The following SORL1 variants were observed in gnomAD, a reference collection of about 807,000 sequenced individuals.
SORL1 encodes sortilin related receptor 1, also known as sortilin-related receptor.
A neutral mutation model predicts 273.7 loss-of-function variants in SORL1; 127 were observed. The ratio of observed to expected loss-of-function variants is 0.46; its 90% CI spans 0.40 to 0.54. SORL1 has a LOEUF of 0.54. Among genes scored for constraint, SORL1 ranks in the 20% least tolerant of loss-of-function variants. The pLI, the probability that SORL1 is intolerant of heterozygous loss-of-function variation, is 0.00. For missense variants in SORL1, 2,494 were observed against 2,846.1 expected, an observed-to-expected ratio of 0.88 and a Z score of 2.81; for synonymous variants, 1,031 against 1,067.4, an observed-to-expected ratio of 0.97 and a Z score of 0.66.
rs1043796660 is a variant in SORL1 at position 121,542,308 on chromosome 11, G to A, written c.1686-1240G>A. ...TATGGCCACTTTTCCCCTTCAATCC[G>A]GGATTTAGCCAGTCCTGAACTAAAT... is the stretch of plus-strand genomic sequence containing the variant. On this transcript the variant is annotated intron_variant, in intron 12 of 47. Transcript: ENST00000260197. Among the ~76,000 whole-genome samples, 8 of 152,198 alleles carry A rather than the reference G, an allele frequency of 5.3e-5. No homozygotes were observed. In the South Asian group the frequency reaches 1.2e-3, roughly 24 times the overall value.
rs1555071970 is a variant in SORL1 at position 121,550,589 on chromosome 11, C to T, written c.2185C>T (p.Arg729Trp). The T allele has an allele frequency of 3.1e-6, 5 of 1,613,968 alleles. No individual in the cohort carries two copies. Among genetic ancestry groups the T allele is most frequent in the Non-Finnish European group, 4.2e-6 (5 of 1,179,898 alleles). Residue 729 changes from arginine (R) to tryptophan (W), a missense_variant, in exon 16 of 48, where the codon CGG becomes TGG. Arg to Trp is a moderately radical substitution (Grantham distance 101). This residue lies in a region of SORL1 where 710 missense variants were observed against 882.5 expected (regional missense o/e 0.80). Transcript: ENST00000260197. This position sits in a 1 kb window ranked among gnomAD's most constrained non-coding sequence, Gnocchi z 5.3. ...GSTYRRTRGY[R>W]KISGDTCSGG... The stretch of plus-strand genomic sequence containing the variant: ...GCTCTTGGGGTGGGGTGACAGCTAC[C>T]GGAAGATTTCTGGGGACACTTGTAG...
intron 21 of SORL1, among the ~76,000 whole-genome samples, chr11:121,561,485 G>A (rs530669027): frequency 1.3e-5 from 2 of 152,202 alleles, no homozygotes; most frequent in Admixed American, 1.3e-4. Flanking sequence ...AGTCATTTTG[G>A]GGCCCAGAGT....
chr11:121,542,942 C>A (rs1862368683), intron 12 of SORL1, among the ~76,000 whole-genome samples: 2 of 151,016 alleles, frequency 1.3e-5, no homozygotes, highest in African/African-American at 4.9e-5. Flanking sequence ...CTTTGGGAGG[C>A]CGAGGCAGGC....
intron 12 of SORL1, among the ~76,000 whole-genome samples, chr11:121,539,330 T>C (rs1862311764): frequency 6.6e-6 from 1 of 152,238 alleles, no homozygotes; most frequent in South Asian, 2.1e-4. Flanking sequence ...GACCTCCTTT[T>C]CGTCTGAGTG....
rs1863279030 is a variant in SORL1 at position 121,595,489 on chromosome 11, C to CGG, written c.4370-133_4370-132dup. The CGG allele has an allele frequency of 3.8e-6, 3 of 792,714 alleles. No individual in the cohort carries two copies. The highest frequency in any genetic ancestry group is 6.2e-6 in the Non-Finnish European group (3 of 487,768). The allele number at this position is 792,714 out of a possible 1,614,324, so 49.1% of individuals were successfully genotyped here. On this transcript the variant is annotated intron_variant, in intron 31 of 47. Transcript: ENST00000260197. This position sits in a 1 kb window ranked among gnomAD's most constrained non-coding sequence, Gnocchi z 5.1. ...GTCTGTATCTACTCTGCTCTCTATC[C>CGG]GGAACTCGCATTTGTCTTCAGGTTC... is the stretch of plus-strand genomic sequence containing the variant.
chr11:121,513,158 G>A (rs966548169), intron 7 of SORL1, 54 bp downstream of exon 7: 4 of 1,338,712 alleles, frequency 3.0e-6, no homozygotes, highest in Non-Finnish European at 3.2e-6. Context: ...TTATGCAGAG[G>A]TCAGAGGAAG....
chr11:121,629,397 G>C, intron 47 of SORL1, 99 bp from the exon 48 acceptor site: 1 of 731,252 alleles, frequency 1.4e-6, no homozygotes, highest in Non-Finnish European at 2.5e-6. Flanking sequence ...TTCTCAGCTA[G>C]AGGGTTGTGG....
At chr11:121,617,633 C>T (rs757123560) in intron 41 of SORL1, among the ~76,000 whole-genome samples, 6 of 152,310 alleles carry the variant, frequency 3.9e-5, no homozygotes, top group African/African-American at 7.2e-5. Flanking sequence ...CTACAGTCCT[C>T]GTCAAGCCCA....
intron 14 of SORL1, 35 bp downstream of exon 14, chr11:121,545,464 T>C: frequency 6.2e-7 from 1 of 1,601,000 alleles, no homozygotes; most frequent in African/African-American, 1.3e-5. Flanking sequence ...GACTGAGTTG[T>C]GTTTTATTCA....
rs1173753216 is a variant in SORL1 at position 121,522,898 on chromosome 11, A to G, written c.1523-18A>G. ...CATATTCTTGAAATTAAAAATAATT[A>G]TTTCTCTTGCATTTTAGGCTCAGTG... On this transcript the variant is annotated intron_variant, in intron 10 of 47. Transcript: ENST00000260197. The G allele has an allele frequency of 5.6e-6, 9 of 1,601,374 alleles. No homozygotes were observed. Among genetic ancestry groups the G allele is most frequent in the Non-Finnish European group, 7.7e-6 (9 of 1,168,518 alleles).
Position 121,632,071 on chromosome 11 carries a change from G to C in SORL1, c.*2508G>C, listed in dbSNP as rs1041126390. On this transcript the variant is annotated 3_prime_UTR_variant, in exon 48 of 48. Coordinates refer to ENST00000260197, the MANE Select transcript of SORL1 (RefSeq NM_003105.6). The stretch of plus-strand genomic sequence containing the variant: ...TTCACTGTGACCAATCGGAGTCCCT[G>C]CTTGCTTGTGAAGAAGGGGCTTTTG... 6.6e-6 allele frequency: 1 copy of C among 152,174 alleles called. No homozygotes were observed. Among genetic ancestry groups the C allele is most frequent in the Admixed American group, 6.5e-5 (1 of 15,274 alleles). 9.4% of individuals were successfully genotyped at this position (152,174 alleles called of 1,614,324 possible).
intron 5 of SORL1, among the ~76,000 whole-genome samples, chr11:121,492,502 A>T (rs1364899071): frequency 6.6e-6 from 1 of 152,210 alleles, no homozygotes; most frequent in Non-Finnish European, 1.5e-5. Context: ...ACCACATTCT[A>T]ATATACTATT....
At chr11:121,511,579 A>G (rs1861878575) in intron 6 of SORL1, among the ~76,000 whole-genome samples, 1 of 152,118 alleles carries the variant, frequency 6.6e-6, no homozygotes, top group Non-Finnish European at 1.5e-5. Context: ...TAGATCCATC[A>G]TTTCCTACGG....
At position 121,543,200 on chromosome 11, in the gene SORL1, GAA is replaced by G. The variant is rs369944599; in HGVS notation, c.1686-338_1686-337del. On this transcript the variant is annotated intron_variant, in intron 12 of 47. Transcript: ENST00000260197. ...AGTGAGACTCCATCTCAAAAAAAAA[GAA>G]AAAAAAAAAGAAAAAAATTTCTCTT... Among the ~76,000 whole-genome samples, 4 of 134,604 alleles carry G rather than the reference GAA, an allele frequency of 3.0e-5. No individual in the cohort carries two copies. In the South Asian group the frequency reaches 9.3e-4, roughly 31 times the overall value. The allele number at this position is 134,604 out of a possible 152,430, so 88.3% of individuals were successfully genotyped here.
At chr11:121,516,878 C>T (rs1370144420) in intron 8 of SORL1, among the ~76,000 whole-genome samples, 1 of 152,040 alleles carries the variant, frequency 6.6e-6, no homozygotes, top group African/African-American at 2.4e-5. Context: ...GTGGTGAAAG[C>T]CCATCTCTAC....
At chr11:121,593,079 T>C (rs1184955640) in intron 31 of SORL1, among the ~76,000 whole-genome samples, 2 of 152,234 alleles carry the variant, frequency 1.3e-5, no homozygotes, top group African/African-American at 4.8e-5. Flanking sequence ...CAGTTTTTCT[T>C]CTGATAAGGC....
At chr11:121,534,037 G>A (rs1171334250) in intron 12 of SORL1, among the ~76,000 whole-genome samples, 3 of 152,184 alleles carry the variant, frequency 2.0e-5, no homozygotes, top group African/African-American at 4.8e-5. Context: ...ACCAAGCACC[G>A]ATTGTGCCAG....
At chr11:121,529,725 A>G (rs1482900871) in intron 11 of SORL1, among the ~76,000 whole-genome samples, 2 of 152,182 alleles carry the variant, frequency 1.3e-5, no homozygotes, top group Admixed American at 6.6e-5. Flanking sequence ...CTTCTAGACA[A>G]CATATAGTAG....
intron 2 of SORL1, among the ~76,000 whole-genome samples, chr11:121,473,385 C>G (rs1396155993): frequency 6.6e-6 from 1 of 152,186 alleles, no homozygotes; most frequent in Non-Finnish European, 1.5e-5. Context: ...GAAGTTGAAG[C>G]CAGTGTGATT....
Sources: allele counts gnomAD v4.1 joint callset (sites outside exome capture counted in the v4.1 genomes callset), GRCh38; gene constraint gnomAD v4.1.1; regional missense constraint gnomAD v4.1.1; non-coding constraint Gnocchi (gnomAD v3.1); transcripts MANE v1.5; gene names NCBI Gene and HGNC (gene_info 2026-07-23, HGNC 2026-07-21).